The following IFTAP variants were observed in gnomAD, a reference collection of about 807,000 sequenced individuals.
The protein encoded by IFTAP is intraflagellar transport associated protein, also known as intraflagellar transport-associated protein.
Under a neutral mutation model 19.4 loss-of-function variants are expected in IFTAP, and 19 were observed. The ratio of observed to expected loss-of-function variants is 0.98; its 90% CI spans 0.68 to 1.44. IFTAP has a LOEUF of 1.44. IFTAP is among the 40% of genes most tolerant of loss of function. The pLI is 0.00. For missense variants in IFTAP, 240 were observed against 253.6 expected (o/e 0.95, Z 0.36); for synonymous variants, 85 against 83.5 (o/e 1.02, Z -0.10).
At chr11:36,627,309 C>G (rs1452988364) in intron 2 of IFTAP, among the ~76,000 whole-genome samples, 1 of 150,976 alleles carries the variant, frequency 6.6e-6, no homozygotes, top group Non-Finnish European at 1.5e-5. Flanking sequence ...GAATTGTACA[C>G]TTAAAATGAG....
chr11:36,654,905 A>T (rs1196769614), intron 5 of IFTAP, among the ~76,000 whole-genome samples: 1 of 151,822 alleles, frequency 6.6e-6, no homozygotes, highest in African/African-American at 2.4e-5. Context: ...GGCTTATCCC[A>T]CTCAAATCTA....
chr11:36,632,672 C>T (rs950259222), intron 2 of IFTAP, among the ~76,000 whole-genome samples: 6 of 151,216 alleles, frequency 4.0e-5, no homozygotes, highest in Middle Eastern at 6.8e-3. Flanking sequence ...GTTAAATAAA[C>T]TATCTTACAT....
At chr11:36,629,712 C>T (rs1468751175) in intron 2 of IFTAP, among the ~76,000 whole-genome samples, 1 of 151,118 alleles carries the variant, frequency 6.6e-6, no homozygotes, top group African/African-American at 2.5e-5. Context: ...GGTGTGTAAC[C>T]TTTTTCTTTG....
chr11:36,623,134 A>G (rs968457240), intron 2 of IFTAP, among the ~76,000 whole-genome samples: 3 of 152,160 alleles, frequency 2.0e-5, no homozygotes, highest in Non-Finnish European at 4.4e-5. Flanking sequence ...GAAGGTACTT[A>G]TTAAAAAGTA....
At chr11:36,609,274 A>G (rs1023960963) in intron 1 of IFTAP, among the ~76,000 whole-genome samples, 3 of 152,230 alleles carry the variant, frequency 2.0e-5, no homozygotes, top group Non-Finnish European at 4.4e-5. Flanking sequence ...AAATGAGAAG[A>G]TTGACAAAGG....
At position 36,631,386 on chromosome 11, in the gene IFTAP, C is replaced by T. The variant is rs575194489; in HGVS notation, c.137-1898C>T. The stretch of plus-strand genomic sequence containing the variant: ...TTTTCCCTCTCTGGCTTATTAATGA[C>T]GTATTATAGATTAGGTCACCTTATC... On this transcript the variant is annotated intron_variant, in intron 2 of 5. Coordinates refer to ENST00000334307, the MANE Select transcript of IFTAP (RefSeq NM_138787.4). 7.9e-5 allele frequency among the ~76,000 whole-genome samples: 12 copies of T among 151,408 alleles called. No homozygotes were observed. In the East Asian group the frequency reaches 1.3e-3, roughly 17 times the overall value.
At chr11:36,625,077 A>T (rs556109082) in intron 2 of IFTAP, among the ~76,000 whole-genome samples, 2 of 152,302 alleles carry the variant, frequency 1.3e-5, no homozygotes, top group South Asian at 4.1e-4. Flanking sequence ...TTAGTTAAGA[A>T]CATGGAAGTT....
intron 4 of IFTAP, among the ~76,000 whole-genome samples, chr11:36,637,601 G>T (rs1251752769): frequency 4.6e-5 from 7 of 152,128 alleles, no homozygotes; most frequent in Admixed American, 4.6e-4. Flanking sequence ...TCCCAATAGA[G>T]AATCTAATTC....
intron 1 of IFTAP, among the ~76,000 whole-genome samples, chr11:36,605,287 C>G (rs73437908): frequency 2.7e-5 from 4 of 147,570 alleles, no homozygotes; most frequent in Admixed American, 6.7e-5. Flanking sequence ...CCTGCCCCCC[C>G]ACTTTTTTTT....
chr11:36,641,821 G>A (rs1853215352), intron 4 of IFTAP, among the ~76,000 whole-genome samples: 1 of 152,056 alleles, frequency 6.6e-6, no homozygotes, highest in African/African-American at 2.4e-5. Flanking sequence ...TCAATTCCTG[G>A]ATATCTTTTT....
rs1396327401 is a variant in IFTAP at position 36,636,124 on chromosome 11, T to C, written c.358+7T>C. On this transcript the variant is annotated splice_region_variant and intron_variant, in intron 4 of 5. Coordinates refer to ENST00000334307, the MANE Select transcript of IFTAP (RefSeq NM_138787.4). ...AAACCCCAAATGAGTGAGGGTATGC[T>C]TTCTATTTCCTTTCTATACTACCTG... 6.3e-7 allele frequency: 1 copy of C among 1,599,804 alleles called. No homozygotes were observed.
intron 5 of IFTAP, among the ~76,000 whole-genome samples, chr11:36,650,206 G>C (rs1853655828): frequency 6.6e-6 from 1 of 152,060 alleles, no homozygotes; most frequent in Non-Finnish European, 1.5e-5. Flanking sequence ...AGGGCTTACT[G>C]AAAGGCCATT....
chr11:36,614,845 A>G (rs1852012308), intron 2 of IFTAP, among the ~76,000 whole-genome samples: 4 of 148,584 alleles, frequency 2.7e-5, no homozygotes, highest in African/African-American at 1.0e-4. Context: ...GTAGATTGCA[A>G]AAATGTTCTC....
At position 36,636,101 on chromosome 11, in the gene IFTAP, A is replaced by T. The variant is rs755529581; in HGVS notation, c.342A>T (p.Lys114Asn). Residue 114 changes from lysine (K) to asparagine (N), a missense_variant, in exon 4 of 6, where the codon AAA becomes AAT. By Grantham distance (94) the Lys-to-Asn change is moderately conservative. Coordinates refer to ENST00000334307, the MANE Select transcript of IFTAP (RefSeq NM_138787.4). ...LEDLDMDEEI[K>N]PQMSEDLLLL... is the part of the protein sequence containing the mutation. Reference sequence around the variant, plus strand: ...ATTTGGACATGGATGAAGAGATTAAACCCCAAATGAGTGAGGGTATGCTTT... The same window carrying T: ...ATTTGGACATGGATGAAGAGATTAATCCCCAAATGAGTGAGGGTATGCTTT... The T allele has an allele frequency of 5.6e-6, 9 of 1,607,920 alleles. No homozygotes were observed. The highest frequency in any genetic ancestry group is 7.7e-6 in the Non-Finnish European group (9 of 1,174,630).
Position 36,604,725 on chromosome 11 carries a change from C to CT in IFTAP, c.-23-5355dup, listed in dbSNP as rs79159613. On this transcript the variant is annotated intron_variant, in intron 1 of 5. Transcript: ENST00000334307. Reference sequence around the variant, plus strand: ...GTTCATAATCATGAGCATCTCATGACTATTTATGATGAGAGAACCACCCAT... The same window carrying CT: ...GTTCATAATCATGAGCATCTCATGACTTATTTATGATGAGAGAACCACCCAT... 5.9e-3 allele frequency among the ~76,000 whole-genome samples: 890 copies of CT among 152,100 alleles called. 12 individuals carry two copies. Among genetic ancestry groups the CT allele is most frequent in the East Asian group, 0.043 (223 of 5,156 alleles).
At chr11:36,606,104 G>A (rs1851682347) in intron 1 of IFTAP, among the ~76,000 whole-genome samples, 2 of 152,112 alleles carry the variant, frequency 1.3e-5, no homozygotes, top group Non-Finnish European at 2.9e-5. Context: ...TTTGAAGATG[G>A]GTATTGTTAA....
intron 1 of IFTAP, among the ~76,000 whole-genome samples, chr11:36,605,631 A>T (rs1369107663): frequency 6.6e-6 from 1 of 152,204 alleles, no homozygotes; most frequent in Non-Finnish European, 1.5e-5. Context: ...GACTTGGCAA[A>T]AAGTGAACCC....
chr11:36,652,754 T>G (rs1203924485), intron 5 of IFTAP, among the ~76,000 whole-genome samples: 2 of 152,198 alleles, frequency 1.3e-5, no homozygotes, highest in Non-Finnish European at 2.9e-5. Flanking sequence ...TGAGAGTTTT[T>G]AGCATGAAGG....
At chr11:36,606,825 G>A (rs773947024) in intron 1 of IFTAP, among the ~76,000 whole-genome samples, 3 of 152,174 alleles carry the variant, frequency 2.0e-5, no homozygotes, top group South Asian at 2.1e-4. Flanking sequence ...GCAGATTGAC[G>A]TTGAAATTCT....
Sources: allele counts gnomAD v4.1 joint callset (sites outside exome capture counted in the v4.1 genomes callset), GRCh38; gene constraint gnomAD v4.1.1; transcripts MANE v1.5; gene names NCBI Gene and HGNC (gene_info 2026-07-23, HGNC 2026-07-21).